Variants in ARHGEF10L observed in about 807,000 individuals in gnomAD.
The protein encoded by ARHGEF10L is rho guanine nucleotide exchange factor 10-like protein.
Under a neutral mutation model 141.2 loss-of-function variants are expected in ARHGEF10L, and 69 were observed. The ratio of observed to expected loss-of-function variants is 0.49; its 90% CI spans 0.40 to 0.60. The LOEUF is 0.60. Among genes scored for constraint, ARHGEF10L ranks in the 20% least tolerant of loss-of-function variants. The probability of loss-of-function intolerance (pLI) is 0.00; values close to 1 mark genes in which losing one functional copy is unlikely to be tolerated. For missense variants in ARHGEF10L, 1,482 were observed against 1,734.3 expected, an observed-to-expected ratio of 0.85 and a Z score of 2.58; for synonymous variants, 711 against 718.5, an observed-to-expected ratio of 0.99 and a Z score of 0.17.
the ARHGEF10L span, among the ~76,000 whole-genome samples, chr1:17,529,086 C>G: frequency 6.6e-6 from 1 of 152,140 alleles, no homozygotes; most frequent in African/African-American, 2.4e-5. Context: ...TCACTGCAAC[C>G]TCTACCTCCT....
rs551539611 is a variant in ARHGEF10L, at chr1:17,608,029, C to CAGGG, written c.609+71_609+74dup. ...CTCAGTCAGGGCACGGAGACCCCTT[C>CAGGG]AGGGAGGGAGGGAGGGAGGGAGCTG... On this transcript the variant is annotated intron_variant, in intron 7 of 28. Transcript: ENST00000361221. 2.7e-4 allele frequency: 184 copies of CAGGG among 694,002 alleles called. 1 individual carries two copies. In the African/African-American group the frequency reaches 3.0e-3, roughly 11 times the overall value. 43.0% of individuals were successfully genotyped at this position (694,002 alleles called of 1,614,324 possible).
chr1:17,611,977 GTCCA>G (rs60216346), intron 7 of ARHGEF10L, among the ~76,000 whole-genome samples: 2,311 of 150,122 alleles, frequency 0.015, 39 homozygotes, highest in Non-Finnish European at 0.022. Context: ...CCATCGGTTT[GTCCA>G]TCCATCCATC....
intron 1 of ARHGEF10L, among the ~76,000 whole-genome samples, chr1:17,571,188 G>C (rs2077983547): frequency 6.6e-6 from 1 of 152,132 alleles, no homozygotes. Context: ...CTGCCAACCT[G>C]GAGGGAGGAA....
At chr1:17,589,241 A>G (rs1405371689) in intron 4 of ARHGEF10L, among the ~76,000 whole-genome samples, 1 of 152,048 alleles carries the variant, frequency 6.6e-6, no homozygotes, top group Non-Finnish European at 1.5e-5. Context: ...GCTTTTTATC[A>G]CAGTTCTTCT....
chr1:17,648,736 G>A, intron 22 of ARHGEF10L, 61 bp downstream of exon 22: 1 of 1,584,698 alleles, frequency 6.3e-7, no homozygotes, highest in Non-Finnish European at 8.6e-7. Flanking sequence ...CCCTCGCCTG[G>A]GAGAACCAGA....
At chr1:17,674,141 G>A (rs983487599) in intron 26 of ARHGEF10L, among the ~76,000 whole-genome samples, 5 of 152,122 alleles carry the variant, frequency 3.3e-5, no homozygotes, top group Non-Finnish European at 7.4e-5. Flanking sequence ...CATTGACTTG[G>A]CTTCTCTCTC....
At chr1:17,683,060 C>G (rs1480582966) in intron 26 of ARHGEF10L, among the ~76,000 whole-genome samples, 1 of 152,096 alleles carries the variant, frequency 6.6e-6, no homozygotes, top group African/African-American at 2.4e-5. Flanking sequence ...GACCAGTGAG[C>G]AGTGAGGGCT....
At chr1:17,692,186 A>G (rs972639827) in intron 27 of ARHGEF10L, among the ~76,000 whole-genome samples, 3 of 152,158 alleles carry the variant, frequency 2.0e-5, no homozygotes, top group Non-Finnish European at 4.4e-5. Flanking sequence ...CCAGCTCCAC[A>G]GACACCCAGG....
chr1:17,549,195 G>A lies in ARHGEF10L; in HGVS notation c.-44+9245G>A, dbSNP rs938957322. ...CTGCCACTATACCTGGCTAAGTTTT[G>A]TATTTTTAGTAGAGATGGGGTTTCA... On this transcript the variant is annotated intron_variant, in intron 1 of 28. Transcript: ENST00000361221. Among the ~76,000 whole-genome samples, 3 of 150,822 alleles carry A rather than the reference G, an allele frequency of 2.0e-5. No individual in the cohort carries two copies. In the East Asian group the frequency reaches 5.9e-4, roughly 30 times the overall value.
At chr1:17,565,582 A>G (rs958343846) in intron 1 of ARHGEF10L, among the ~76,000 whole-genome samples, 16 of 152,228 alleles carry the variant, frequency 1.1e-4, no homozygotes, top group Admixed American at 9.2e-4. Context: ...TGCTATTGTC[A>G]ACACTGTTCA....
At chr1:17,638,809 A>T in intron 20 of ARHGEF10L, 120 bp downstream of exon 20, 1 of 1,429,090 alleles carries the variant, frequency 7.0e-7, no homozygotes, top group South Asian at 1.4e-5. Flanking sequence ...GTGGGAGTGG[A>T]TATGTAGGCA....
intron 16 of ARHGEF10L, among the ~76,000 whole-genome samples, chr1:17,633,681 G>A (rs1288344835): frequency 6.6e-6 from 1 of 152,122 alleles, no homozygotes; most frequent in Non-Finnish European, 1.5e-5. Context: ...CATCACAGAA[G>A]CAATAGTATG....
the ARHGEF10L span, among the ~76,000 whole-genome samples, chr1:17,533,201 T>C: frequency 7.2e-5 from 11 of 152,338 alleles, no homozygotes; most frequent in African/African-American, 2.6e-4. Context: ...GTGCCTCAGT[T>C]TCCTCATTGG....
At chr1:17,521,354 G>A in the ARHGEF10L span, among the ~76,000 whole-genome samples, 17 of 152,230 alleles carry the variant, frequency 1.1e-4, no homozygotes, top group African/African-American at 2.4e-4. Flanking sequence ...GCGCCACCAC[G>A]CCCGGCTAAT....
At chr1:17,590,157 C>T (rs942127654) in intron 4 of ARHGEF10L, among the ~76,000 whole-genome samples, 3 of 152,144 alleles carry the variant, frequency 2.0e-5, no homozygotes, top group South Asian at 2.1e-4. Flanking sequence ...CCTCTGACAC[C>T]GAGGCCAGGC....
At chr1:17,556,275 G>C (rs867412737) in intron 1 of ARHGEF10L, among the ~76,000 whole-genome samples, 1,165 of 107,026 alleles carry the variant, frequency 0.011, 57 homozygotes, top group African/African-American at 0.038. Flanking sequence ...ATGGCGGCGG[G>C]GGGGGGGCCT....
intron 4 of ARHGEF10L, among the ~76,000 whole-genome samples, chr1:17,595,840 G>A (rs1478082920): frequency 2.0e-5 from 3 of 152,192 alleles, no homozygotes; most frequent in Admixed American, 1.3e-4. Flanking sequence ...CTGCGAGGGA[G>A]GTAGTGTTGC....
At chr1:17,661,610 G>A (rs12121948) in intron 25 of ARHGEF10L, among the ~76,000 whole-genome samples, 3,096 of 152,298 alleles carry the variant, frequency 0.02, 46 homozygotes, top group Non-Finnish European at 0.03. Flanking sequence ...CTGTTGGATA[G>A]AGCCCCACTT....
chr1:17,622,039 T>A, intron 11 of ARHGEF10L, 98 bp downstream of exon 11: 2 of 1,282,440 alleles, frequency 1.6e-6, no homozygotes, highest in Non-Finnish European at 2.2e-6. Context: ...TGGGCAGTTT[T>A]AAGGGGACAG....
Sources: gnomAD v4.1 joint callset for allele counts (sites outside exome capture counted in the v4.1 genomes callset) on GRCh38, gnomAD v4.1.1 for gene constraint, MANE v1.5 for transcripts, NCBI Gene and HGNC (gene_info 2026-07-23, HGNC 2026-07-21) for gene names.